The following MOXD1 variants were observed in gnomAD, a reference collection of about 807,000 sequenced individuals.
MOXD1 encodes the protein monooxygenase DBH like 1.
In MOXD1, 62 loss-of-function variants were observed where a neutral mutation model predicts 66.6. That is an observed-to-expected ratio of 0.93 (90% confidence interval 0.76 to 1.15). MOXD1 has a LOEUF of 1.15. Among genes scored for constraint, MOXD1 ranks in the 50% most tolerant of loss-of-function variants. The pLI is 0.00. For synonymous variants in MOXD1, 303 were observed against 281.9 expected (o/e 1.07, Z -0.75); for missense variants, 847 against 754.6 (o/e 1.12, Z -1.44).
intron 10 of MOXD1, among the ~76,000 whole-genome samples, chr6:132,310,776 C>T (rs575576471): frequency 4.5e-4 from 68 of 151,970 alleles, no homozygotes; most frequent in Non-Finnish European, 7.5e-4. Flanking sequence ...TACTGTCACT[C>T]GTAAGTGGGA....
chr6:132,362,348 C>T lies in MOXD1; in HGVS notation c.663+10260G>A, dbSNP rs139068850. Among the ~76,000 whole-genome samples, 430 of 152,254 alleles carry T rather than the reference C, an allele frequency of 2.8e-3. 3 individuals are homozygous for T. Among genetic ancestry groups the T allele is most frequent in the African/African-American group, 9.8e-3 (407 of 41,546 alleles). ...AAGGGTTAAAGATCACTTAGAACAA[C>T]TTCTCAGTTATACAGATTTATAGTC... On this transcript the variant is annotated intron_variant, in intron 4 of 11. Coordinates refer to ENST00000367963, the MANE Select transcript of MOXD1 (RefSeq NM_015529.4).
intron 6 of MOXD1, 103 bp from the exon 7 acceptor site, chr6:132,324,200 G>A (rs982731702): frequency 9.4e-6 from 11 of 1,165,064 alleles, no homozygotes; most frequent in African/African-American, 1.6e-5. Flanking sequence ...ATATTCTGTT[G>A]AAATAGGTTT....
At chr6:132,364,055 TA>T (rs930871583) in intron 4 of MOXD1, among the ~76,000 whole-genome samples, 6 of 151,474 alleles carry the variant, frequency 4.0e-5, no homozygotes, top group East Asian at 3.9e-4. Context: ...AATTAAAAAA[TA>T]AAAAAAAATT....
chr6:132,386,547 G>A (rs1353289983), intron 1 of MOXD1, among the ~76,000 whole-genome samples: 2 of 151,130 alleles, frequency 1.3e-5, no homozygotes, highest in African/African-American at 4.8e-5. Context: ...TCTTGAGGCA[G>A]GTGAAAAAGC....
At chr6:132,344,088 C>T (rs1280966497) in intron 4 of MOXD1, among the ~76,000 whole-genome samples, 1 of 152,058 alleles carries the variant, frequency 6.6e-6, no homozygotes, top group African/African-American at 2.4e-5. Flanking sequence ...TACAAGAAAA[C>T]ATTTATGATG....
At chr6:132,387,698 G>A (rs1311794887) in intron 1 of MOXD1, among the ~76,000 whole-genome samples, 4 of 139,552 alleles carry the variant, frequency 2.9e-5, no homozygotes, top group Non-Finnish European at 3.1e-5. Flanking sequence ...AGGTTGTAGT[G>A]AGCCAAGATC....
chr6:132,360,475 A>T (rs1024897590), intron 4 of MOXD1, among the ~76,000 whole-genome samples: 1 of 152,206 alleles, frequency 6.6e-6, no homozygotes, highest in Non-Finnish European at 1.5e-5. Flanking sequence ...GCCTCTGTTT[A>T]TGCCTCTGCA....
chr6:132,369,587 G>A (rs1219490464), intron 4 of MOXD1, among the ~76,000 whole-genome samples: 3 of 151,786 alleles, frequency 2.0e-5, no homozygotes, highest in African/African-American at 7.3e-5. Context: ...TGTGCTTTGG[G>A]GTGCATTGTT....
At chr6:132,380,717 T>C (rs1231513063) in intron 1 of MOXD1, among the ~76,000 whole-genome samples, 2 of 152,236 alleles carry the variant, frequency 1.3e-5, no homozygotes, top group African/African-American at 4.8e-5. Context: ...AATACTTATT[T>C]ACATTGTCAA....
intron 6 of MOXD1, among the ~76,000 whole-genome samples, chr6:132,325,923 A>C (rs1345644812): frequency 6.6e-6 from 1 of 152,258 alleles, no homozygotes; most frequent in African/African-American, 2.4e-5. Context: ...TGTTATTATC[A>C]GTGCAGATAC....
intron 10 of MOXD1, among the ~76,000 whole-genome samples, chr6:132,298,294 T>C (rs1303384447): frequency 6.6e-6 from 1 of 152,194 alleles, no homozygotes; most frequent in Non-Finnish European, 1.5e-5. Flanking sequence ...GTGCTGGGAT[T>C]ATAGGTGTGA....
chr6:132,304,532 T>C (rs1277412703), intron 10 of MOXD1, among the ~76,000 whole-genome samples: 1 of 152,168 alleles, frequency 6.6e-6, no homozygotes, highest in East Asian at 1.9e-4. Flanking sequence ...AACTGGGACA[T>C]GTACAGTAGA....
intron 6 of MOXD1, among the ~76,000 whole-genome samples, chr6:132,325,542 G>A (rs559830138): frequency 1.9e-4 from 29 of 152,240 alleles, no homozygotes; most frequent in South Asian, 2.1e-4. Context: ...GTTATGACCC[G>A]TAAGAAGGCC....
chr6:132,353,464 T>C (rs1240517665), intron 4 of MOXD1, among the ~76,000 whole-genome samples: 1 of 152,238 alleles, frequency 6.6e-6, no homozygotes, highest in Non-Finnish European at 1.5e-5. Flanking sequence ...ATAATTGTTT[T>C]GTTTGAGGAT....
At chr6:132,400,997 G>T (rs1777010900) in intron 1 of MOXD1, among the ~76,000 whole-genome samples, 166 bp downstream of exon 1, 1 of 152,246 alleles carries the variant, frequency 6.6e-6, no homozygotes, top group Non-Finnish European at 1.5e-5. Flanking sequence ...GGCTCCGGGA[G>T]AGCAGGCGCT....
At chr6:132,318,515 G>A (rs113185422) in intron 9 of MOXD1, among the ~76,000 whole-genome samples, 48 of 151,836 alleles carry the variant, frequency 3.2e-4, no homozygotes, top group Non-Finnish European at 5.6e-4. Flanking sequence ...CTCTTTTATT[G>A]TATGCTTCTC....
chr6:132,326,116 C>A (rs561155854), intron 6 of MOXD1, among the ~76,000 whole-genome samples: 5 of 152,108 alleles, frequency 3.3e-5, no homozygotes, highest in South Asian at 4.1e-4. Context: ...GTTGCATTAG[C>A]TGTTTGGAGC....
Position 132,297,343 on chromosome 6 carries a change from A to G in MOXD1, c.1678-26T>C, listed in dbSNP as rs377127450. Reference sequence around the variant, plus strand: ...CTGAAAATGGAAGCACAAACAATGCAAATGAACATCTGATTTAAGGCAGCA... The same window carrying G: ...CTGAAAATGGAAGCACAAACAATGCGAATGAACATCTGATTTAAGGCAGCA... On this transcript the variant is annotated intron_variant, in intron 11 of 11. Coordinates refer to ENST00000367963, the MANE Select transcript of MOXD1 (RefSeq NM_015529.4). 6.8e-6 allele frequency: 11 copies of G among 1,608,688 alleles called. No homozygotes were observed. The African/African-American group carries it at 1.2e-4, about 18-fold the overall frequency.
rs1775750140 is a variant in MOXD1, at chr6:132,349,440, T to TATATAC, written c.664-20847_664-20846insGTATAT. On this transcript the variant is annotated intron_variant, in intron 4 of 11. Transcript: ENST00000367963. ...ATATATACATATATATATATACATATATATATATATACATATATATATATA... is the reference window on the plus strand; with the variant it reads ...ATATATACATATATATATATACATATATATACATATATATATACATATATATATATA... Among the ~76,000 whole-genome samples the TATATAC allele has an allele frequency of 3.0e-5, 2 of 66,092 alleles. 1 individual carries two copies. Among genetic ancestry groups the TATATAC allele is most frequent in the African/African-American group, 2.3e-4 (2 of 8,576 alleles). The allele number at this position is 66,092 out of a possible 152,430, so 43.4% of individuals were successfully genotyped here.
Sources: allele counts gnomAD v4.1 joint callset (sites outside exome capture counted in the v4.1 genomes callset), GRCh38; gene constraint gnomAD v4.1.1; transcripts MANE v1.5; gene names NCBI Gene and HGNC (gene_info 2026-07-23, HGNC 2026-07-21).